The following WWOX variants were observed in gnomAD, a reference collection of about 807,000 sequenced individuals.
The protein encoded by WWOX is WW domain-containing oxidoreductase.
Under a neutral mutation model 46.2 loss-of-function variants are expected in WWOX, and 69 were observed. The ratio of observed to expected loss-of-function variants is 1.49; its 90% confidence interval spans 1.23 to 1.82. The LOEUF (loss-of-function observed/expected upper bound fraction) is 1.82. Among genes scored for constraint, WWOX ranks in the 40% most tolerant of loss-of-function variants. The pLI, the probability that WWOX is intolerant of heterozygous loss-of-function variation, is 0.00. For synonymous variants in WWOX, 359 were observed against 202.6 expected (o/e 1.77, Z -6.56); for missense variants, 919 against 542.6 (o/e 1.69, Z -6.89).
At chr16:78,773,468 G>A (rs556279089) in intron 8 of WWOX, among the ~76,000 whole-genome samples, 1 of 152,208 alleles carries the variant, frequency 6.6e-6, no homozygotes, top group Non-Finnish European at 1.5e-5. Context: ...TTAAAACAAT[G>A]AGGCGGGCAG....
intron 5 of WWOX, among the ~76,000 whole-genome samples, chr16:78,376,286 T>C (rs1355439000): frequency 6.6e-6 from 1 of 152,200 alleles, no homozygotes; most frequent in Non-Finnish European, 1.5e-5. Context: ...GTGAAGTATG[T>C]GGGGGCGGTT....
chr16:78,678,084 A>G lies in WWOX; in HGVS notation c.1056+245332A>G, dbSNP rs141060582. ...TCTCTGTTTAATCTGTCTACTTGCT[A>G]ATTGTCTCACTGCCCTCCCCCTCCC... On this transcript the variant is annotated intron_variant, in intron 8 of 8. Coordinates refer to ENST00000566780, the MANE Select transcript of WWOX (RefSeq NM_016373.4). 5.2e-3 allele frequency among the ~76,000 whole-genome samples: 789 copies of G among 152,248 alleles called. 3 individuals carry two copies. The highest frequency in any genetic ancestry group is 0.018 in the African/African-American group (746 of 41,540).
intron 8 of WWOX, among the ~76,000 whole-genome samples, chr16:78,508,455 A>C (rs2085272997): frequency 6.6e-6 from 1 of 151,968 alleles, no homozygotes; most frequent in East Asian, 1.9e-4. Flanking sequence ...CAAAAACAAC[A>C]CAGCCATCTA....
chr16:78,504,852 C>T (rs1036310460), intron 8 of WWOX, among the ~76,000 whole-genome samples: 1 of 152,036 alleles, frequency 6.6e-6, no homozygotes, highest in Non-Finnish European at 1.5e-5. Context: ...TATTTACTTT[C>T]TAGAATATCT....
At position 78,675,477 on chromosome 16, in the gene WWOX, G is replaced by T. The variant is rs991753387; in HGVS notation, c.1056+242725G>T. The stretch of plus-strand genomic sequence containing the variant: ...CAAATACTTTTATGGGCCTTGCCAT[G>T]TTCCAGGCACGGTTGTAAGCACTTA... On this transcript the variant is annotated intron_variant, in intron 8 of 8. Transcript: ENST00000566780. Among the ~76,000 whole-genome samples, 7 of 152,166 alleles carry T rather than the reference G, an allele frequency of 4.6e-5. No individual in the cohort carries two copies. In the South Asian group the frequency reaches 1.2e-3, roughly 27 times the overall value.
intron 8 of WWOX, among the ~76,000 whole-genome samples, chr16:78,856,027 G>C (rs1388748502): frequency 1.3e-5 from 2 of 152,198 alleles, no homozygotes; most frequent in East Asian, 1.9e-4. Context: ...TTTACTTGCA[G>C]GGCAAGGCAA....
chr16:79,093,319 G>C (rs1597369020), intron 8 of WWOX, among the ~76,000 whole-genome samples: 1 of 152,236 alleles, frequency 6.6e-6, no homozygotes, highest in East Asian at 1.9e-4. Flanking sequence ...GTTGCGTTTA[G>C]GGGATGAGAC....
At chr16:78,570,832 G>A (rs2044698872) in intron 8 of WWOX, among the ~76,000 whole-genome samples, 2 of 152,182 alleles carry the variant, frequency 1.3e-5, no homozygotes, top group African/African-American at 4.8e-5. Flanking sequence ...AATGGCAGGG[G>A]AGAAGGCGGG....
intron 8 of WWOX, among the ~76,000 whole-genome samples, chr16:78,777,107 A>G (rs9925933): frequency 0.28 from 42,674 of 152,140 alleles, 6,349 homozygotes; most frequent in South Asian, 0.37. Flanking sequence ...GAAAAGTTTC[A>G]GTGATTATTT....
At chr16:78,199,558 T>G (rs1026206438) in intron 5 of WWOX, among the ~76,000 whole-genome samples, 6 of 152,174 alleles carry the variant, frequency 3.9e-5, no homozygotes. Flanking sequence ...CTCTTCTCTT[T>G]TTTATGCTCT....
At chr16:78,187,483 G>A (rs991135173) in intron 5 of WWOX, among the ~76,000 whole-genome samples, 3 of 152,122 alleles carry the variant, frequency 2.0e-5, no homozygotes, top group African/African-American at 7.2e-5. Context: ...TGCACCCGTA[G>A]TCCCACCTAC....
chr16:78,182,463 T>C (rs1001550784), intron 5 of WWOX, among the ~76,000 whole-genome samples: 6 of 151,964 alleles, frequency 3.9e-5, no homozygotes, highest in Non-Finnish European at 8.8e-5. Flanking sequence ...GGGTCTCAGC[T>C]AAGCTTTTCC....
intron 8 of WWOX, among the ~76,000 whole-genome samples, chr16:79,191,862 C>T (rs1431752021): frequency 6.6e-6 from 1 of 152,174 alleles, no homozygotes; most frequent in African/African-American, 2.4e-5. Context: ...TGGAGAATTA[C>T]TTATGCGCAT....
At chr16:79,042,115 C>G (rs1268174280) in intron 8 of WWOX, among the ~76,000 whole-genome samples, 1 of 152,136 alleles carries the variant, frequency 6.6e-6, no homozygotes, top group Non-Finnish European at 1.5e-5. Flanking sequence ...CTTGGTTAAC[C>G]TGCACCCACG....
At chr16:78,201,638 C>T (rs925075333) in intron 5 of WWOX, among the ~76,000 whole-genome samples, 1 of 152,068 alleles carries the variant, frequency 6.6e-6, no homozygotes, top group East Asian at 1.9e-4. Flanking sequence ...TTACCCCTCT[C>T]CCAGACCCCC....
intron 5 of WWOX, among the ~76,000 whole-genome samples, chr16:78,194,362 T>G (rs1024474816): frequency 2.6e-5 from 4 of 151,072 alleles, no homozygotes; most frequent in Admixed American, 2.6e-4. Flanking sequence ...CCGAGGCGGG[T>G]GGATCACCTG....
intron 8 of WWOX, among the ~76,000 whole-genome samples, chr16:78,632,397 A>AGTCCTTTCTTTT (rs1188844211): frequency 1.3e-5 from 2 of 151,888 alleles, no homozygotes; most frequent in African/African-American, 4.8e-5. Flanking sequence ...TCCGTATTTG[A>AGTCCTTTCTTTT]GTCCTTTCTT....
At chr16:78,887,004 A>G (rs4887990) in intron 8 of WWOX, among the ~76,000 whole-genome samples, 37,070 of 150,946 alleles carry the variant, frequency 0.25, 4,965 homozygotes, top group Middle Eastern at 0.43. Context: ...TTGAGTTTTC[A>G]TATTGTCAGT....
At chr16:79,085,261 C>T (rs1025636297) in intron 8 of WWOX, among the ~76,000 whole-genome samples, 1 of 152,088 alleles carries the variant, frequency 6.6e-6, no homozygotes, top group South Asian at 2.1e-4. Context: ...TCCAAACCAC[C>T]TTCTGGAGGT....
Sources: allele counts gnomAD v4.1 joint callset (sites outside exome capture counted in the v4.1 genomes callset), GRCh38; gene constraint gnomAD v4.1.1; transcripts MANE v1.5; gene names NCBI Gene and HGNC (gene_info 2026-07-23, HGNC 2026-07-21).